SPRED1: variants seen among roughly 807,000 people sequenced by gnomAD.
SPRED1 encodes the protein sprouty-related, EVH1 domain-containing protein 1.
A neutral mutation model predicts 52.3 loss-of-function variants in SPRED1; 18 were observed. The ratio of observed to expected loss-of-function variants is 0.34; its 90% CI spans 0.24 to 0.51. SPRED1 has a LOEUF of 0.51. Among genes scored for constraint, SPRED1 ranks in the 20% least tolerant of loss-of-function variants. The pLI, the probability that SPRED1 is intolerant of heterozygous loss-of-function variation, is 0.97. For missense variants in SPRED1, 485 were observed against 551.0 expected, an observed-to-expected ratio of 0.88 and a Z score of 1.20; for synonymous variants, 155 against 179.7, an observed-to-expected ratio of 0.86 and a Z score of 1.10.
chr15:38,348,416 C>CTGTGTGTGTGTG (rs3075338), intron 5 of SPRED1, among the ~76,000 whole-genome samples: 35 of 148,656 alleles, frequency 2.4e-4, no homozygotes, highest in African/African-American at 7.8e-4. Context: ...TTTTAAAGAT[C>CTGTGTGTGTGTG]TGTGTGTGTG....
chr15:38,254,203 A>G (rs1389818547), intron 1 of SPRED1, among the ~76,000 whole-genome samples: 1 of 152,228 alleles, frequency 6.6e-6, no homozygotes, highest in African/African-American at 2.4e-5. Context: ...GAAAGAGTTA[A>G]GTGAGTTAGG....
intron 1 of SPRED1, among the ~76,000 whole-genome samples, chr15:38,274,796 G>C (rs1054263202): frequency 2.6e-5 from 4 of 152,118 alleles, no homozygotes; most frequent in Admixed American, 2.6e-4. Context: ...GAAGAGTACT[G>C]GCCAGGAATT....
Position 38,345,376 on chromosome 15 carries a change from A to G in SPRED1, c.583-4046A>G, listed in dbSNP as rs1331220159. ...TTGGTGAGTGTAAATGCTCGACAAA[A>G]TAACTATGTCTTTTGAATGTTTAAT... On this transcript the variant is annotated intron_variant, in intron 5 of 6. Coordinates refer to ENST00000299084, the MANE Select transcript of SPRED1 (RefSeq NM_152594.3). Among the ~76,000 whole-genome samples, 3 of 152,354 alleles carry G rather than the reference A, an allele frequency of 2.0e-5. No individual in the cohort carries two copies. The South Asian group carries it at 6.2e-4, about 32-fold the overall frequency.
intron 1 of SPRED1, among the ~76,000 whole-genome samples, chr15:38,292,900 A>G (rs893022552): frequency 1.3e-5 from 2 of 152,196 alleles, no homozygotes; most frequent in African/African-American, 4.8e-5. Flanking sequence ...CGGTTGTAGT[A>G]ACATAAAGTT....
At chr15:38,344,674 T>C (rs1896095006) in intron 5 of SPRED1, among the ~76,000 whole-genome samples, 1 of 152,166 alleles carries the variant, frequency 6.6e-6, no homozygotes, top group South Asian at 2.1e-4. Flanking sequence ...AGTATCCTCA[T>C]CTGTAAATTG....
At chr15:38,280,684 A>C (rs1337785519) in intron 1 of SPRED1, among the ~76,000 whole-genome samples, 2 of 152,184 alleles carry the variant, frequency 1.3e-5, no homozygotes, top group Non-Finnish European at 2.9e-5. Context: ...GTGGATCAGC[A>C]AACTGTTTTC....
intron 2 of SPRED1, among the ~76,000 whole-genome samples, chr15:38,304,387 C>A (rs1895209497): frequency 6.6e-6 from 1 of 152,170 alleles, no homozygotes; most frequent in Non-Finnish European, 1.5e-5. Flanking sequence ...GCCTTCCTAG[C>A]AGTTTTGTTT....
intron 5 of SPRED1, among the ~76,000 whole-genome samples, chr15:38,342,560 T>A (rs1460873582): frequency 6.6e-6 from 1 of 152,084 alleles, no homozygotes; most frequent in Non-Finnish European, 1.5e-5. Context: ...AACCTCAGTT[T>A]TCATTTATCT....
At chr15:38,333,896 ACT>A (rs1308607056) in intron 4 of SPRED1, among the ~76,000 whole-genome samples, 1 of 151,946 alleles carries the variant, frequency 6.6e-6, no homozygotes, top group Non-Finnish European at 1.5e-5. Context: ...TCTTATCCAG[ACT>A]CTGCCGCCTA....
chr15:38,295,333 C>T (rs1001002027), intron 1 of SPRED1, among the ~76,000 whole-genome samples: 2 of 152,124 alleles, frequency 1.3e-5, no homozygotes, highest in Non-Finnish European at 2.9e-5. Flanking sequence ...TTGTGTTGGG[C>T]CGCATTCAAA....
Position 38,253,237 on chromosome 15 carries a change from C to T in SPRED1, c.32+20C>T, listed in dbSNP as rs374284804. The T allele has an allele frequency of 1.3e-4, 196 of 1,565,548 alleles. No homozygotes were observed. The highest frequency in any genetic ancestry group is 7.4e-4 in the South Asian group (63 of 85,110). ...CAACGAGTAAGCGCCTCATTGATCT[C>T]GATTGCTAATCCCCCTCCCCCTATC... On this transcript the variant is annotated intron_variant, in intron 1 of 6. Coordinates refer to ENST00000299084, the MANE Select transcript of SPRED1 (RefSeq NM_152594.3).
chr15:38,305,555 C>G (rs1005973584), intron 2 of SPRED1, among the ~76,000 whole-genome samples: 1 of 151,724 alleles, frequency 6.6e-6, no homozygotes, highest in African/African-American at 2.4e-5. Flanking sequence ...ATATGCTAGA[C>G]AGTGCTAAGG....
At chr15:38,318,654 T>G (rs918197975) in intron 2 of SPRED1, among the ~76,000 whole-genome samples, 4 of 152,174 alleles carry the variant, frequency 2.6e-5, no homozygotes, top group Non-Finnish European at 5.9e-5. Flanking sequence ...TATTCATTGT[T>G]AGCTCCCTCT....
intron 2 of SPRED1, 147 bp from the exon 3 acceptor site, chr15:38,322,094 A>G: frequency 1.4e-6 from 1 of 739,016 alleles, no homozygotes; most frequent in Non-Finnish European, 2.2e-6. Context: ...TTATTGAGTG[A>G]CTTTGTGAAG....
At chr15:38,285,299 T>C (rs935705288) in intron 1 of SPRED1, among the ~76,000 whole-genome samples, 37 of 152,148 alleles carry the variant, frequency 2.4e-4, no homozygotes, top group Non-Finnish European at 8.8e-5. Context: ...TATGTAGGTG[T>C]GAGAGAGATC....
chr15:38,299,350 C>G lies in SPRED1; in HGVS notation c.33-23C>G. On this transcript the variant is annotated intron_variant, in intron 1 of 6. Coordinates refer to ENST00000299084, the MANE Select transcript of SPRED1 (RefSeq NM_152594.3). The stretch of plus-strand genomic sequence containing the variant: ...TTTTTTGTTTATGGAAAAGCTAATT[C>G]CTGATCTTTGCATCTATTTTAGTAA... 3.1e-6 allele frequency: 5 copies of G among 1,613,464 alleles called. No homozygotes were observed. In the South Asian group the frequency reaches 5.5e-5, roughly 18 times the overall value.
intron 1 of SPRED1, 35 bp from the exon 2 acceptor site, chr15:38,299,338 G>T: frequency 6.2e-7 from 1 of 1,612,584 alleles, no homozygotes; most frequent in South Asian, 1.1e-5. Context: ...TTTGTTTATG[G>T]AAAAGCTAAT....
intron 1 of SPRED1, chr15:38,298,624 A>G: frequency 4.1e-6 from 1 of 244,492 alleles, no homozygotes; most frequent in South Asian, 4.4e-5. Flanking sequence ...CAAACAGGCA[A>G]AATCTCTGTG....
At chr15:38,283,625 T>G (rs750034479) in intron 1 of SPRED1, 1 of 528,410 alleles carries the variant, frequency 1.9e-6, no homozygotes, top group Non-Finnish European at 2.4e-6. Context: ...ATTCTTATTT[T>G]TATATAAGTG....
Sources: allele counts gnomAD v4.1 joint callset (sites outside exome capture counted in the v4.1 genomes callset), GRCh38; gene constraint gnomAD v4.1.1; transcripts MANE v1.5; gene names NCBI Gene and HGNC (gene_info 2026-07-23, HGNC 2026-07-21).